The following PAX5 variants were observed in gnomAD, a reference collection of about 807,000 sequenced individuals.
PAX5 encodes paired box protein Pax-5.
A neutral mutation model predicts 43.7 loss-of-function variants in PAX5; 9 were observed. The observed-to-expected ratio is 0.21, with a 90% CI of 0.12 to 0.36. The LOEUF (loss-of-function observed/expected upper bound fraction) is 0.36. Ranked by LOEUF, PAX5 falls within the 10% of genes least tolerant of loss-of-function variation. PAX5 has a pLI of 1.00. For missense variants in PAX5, 383 were observed against 532.7 expected (o/e 0.72, Z 2.77); for synonymous variants, 228 against 214.3 (o/e 1.06, Z -0.56).
rs1490962139 is a variant in PAX5, at chr9:36,840,514, C to T, written c.*46G>A. Reference sequence around the variant, plus strand: ...TTCAGGAGGGCTGGGTGGCTGTCACCCTCAATAGGTGCCATCAGTGTTTGG... The same window carrying T: ...TTCAGGAGGGCTGGGTGGCTGTCACTCTCAATAGGTGCCATCAGTGTTTGG... On this transcript the variant is annotated 3_prime_UTR_variant, in exon 10 of 10. Coordinates refer to ENST00000358127, the MANE Select transcript of PAX5 (RefSeq NM_016734.3). 2.6e-6 allele frequency: 4 copies of T among 1,548,978 alleles called. No individual in the cohort carries two copies. The Admixed American group carries it at 7.8e-5, about 30-fold the overall frequency.
intron 5 of PAX5, among the ~76,000 whole-genome samples, chr9:36,995,533 G>T (rs1461200677): frequency 1.3e-5 from 2 of 152,204 alleles, no homozygotes; most frequent in African/African-American, 4.8e-5. Context: ...TCAACAGTGG[G>T]GATGGCGGAC....
At chr9:36,947,610 G>A (rs1050772398) in intron 6 of PAX5, among the ~76,000 whole-genome samples, 1 of 151,986 alleles carries the variant, frequency 6.6e-6, no homozygotes, top group Non-Finnish European at 1.5e-5. Flanking sequence ...ATGGTCTCAA[G>A]TGAAAGTATT....
intron 7 of PAX5, among the ~76,000 whole-genome samples, chr9:36,909,965 G>C (rs1026064762): frequency 3.3e-5 from 5 of 151,874 alleles, no homozygotes; most frequent in African/African-American, 1.2e-4. Flanking sequence ...GGGACTATGG[G>C]CACGCACCAC....
rs1486399451 is a variant in PAX5, at chr9:36,835,327, G to C, written c.*5233C>G. On this transcript the variant is annotated 3_prime_UTR_variant, in exon 10 of 10. Coordinates refer to ENST00000358127, the MANE Select transcript of PAX5 (RefSeq NM_016734.3). ...CAGTGCTGAGGAATTACCAGAAAAGGAAAGACAGGCTGGTGCCTGCCTGCT... is the reference window on the plus strand; with the variant it reads ...CAGTGCTGAGGAATTACCAGAAAAGCAAAGACAGGCTGGTGCCTGCCTGCT... 2 of 232,860 alleles carry C rather than the reference G, an allele frequency of 8.6e-6. No homozygotes were observed. The highest frequency in any genetic ancestry group is 1.7e-5 in the Non-Finnish European group (2 of 117,850). The allele number at this position is 232,860 out of a possible 1,614,324, so 14.4% of individuals were successfully genotyped here.
intron 7 of PAX5, among the ~76,000 whole-genome samples, chr9:36,921,976 G>A (rs78662156): frequency 0.01 from 1,590 of 152,256 alleles, 27 homozygotes; most frequent in African/African-American, 0.036. Flanking sequence ...TGGGCTCCCC[G>A]GCTCCCTGCC....
chr9:36,938,267 A>G (rs539289190), intron 6 of PAX5, among the ~76,000 whole-genome samples: 1 of 152,290 alleles, frequency 6.6e-6, no homozygotes, highest in South Asian at 2.1e-4. Flanking sequence ...CATAATAATT[A>G]TTTTTCGTGC....
intron 9 of PAX5, among the ~76,000 whole-genome samples, chr9:36,843,981 C>T (rs1014115923): frequency 6.6e-6 from 1 of 152,236 alleles, no homozygotes; most frequent in Non-Finnish European, 1.5e-5. Flanking sequence ...GTTGTCCTGG[C>T]TGTGTCCCAT....
intron 7 of PAX5, among the ~76,000 whole-genome samples, chr9:36,918,918 G>A (rs1384207677): frequency 6.6e-6 from 1 of 152,134 alleles, no homozygotes; most frequent in Non-Finnish European, 1.5e-5. Context: ...ATTGATGGAG[G>A]TGACTACACT....
At chr9:36,966,483 C>T in intron 6 of PAX5, 66 bp downstream of exon 6, 1 of 1,558,360 alleles carries the variant, frequency 6.4e-7, no homozygotes, top group Non-Finnish European at 8.8e-7. Flanking sequence ...ATGCCTCTGC[C>T]TTCAGGAACC....
intron 6 of PAX5, among the ~76,000 whole-genome samples, chr9:36,931,168 G>C (rs1831087605): frequency 6.6e-6 from 1 of 152,184 alleles, no homozygotes; most frequent in Non-Finnish European, 1.5e-5. Flanking sequence ...CATTCTGAAG[G>C]ACCAGACACC....
intron 6 of PAX5, among the ~76,000 whole-genome samples, chr9:36,950,881 C>T (rs1365013414): frequency 2.0e-5 from 3 of 151,954 alleles, no homozygotes; most frequent in African/African-American, 4.8e-5. Context: ...GCTGGGATTA[C>T]AGGCACACAC....
chr9:36,976,552 C>T (rs1478237708), intron 5 of PAX5, among the ~76,000 whole-genome samples: 1 of 152,124 alleles, frequency 6.6e-6, no homozygotes, highest in Non-Finnish European at 1.5e-5. Flanking sequence ...CCCTTGGTAG[C>T]CTGGAACAAA....
intron 5 of PAX5, among the ~76,000 whole-genome samples, chr9:36,975,712 C>T (rs751108775): frequency 5.9e-5 from 9 of 152,142 alleles, no homozygotes; most frequent in Non-Finnish European, 1.2e-4. Flanking sequence ...CTGCTCTAAT[C>T]CTCAATTTTC....
At chr9:37,029,504 C>T (rs1453471141) in intron 1 of PAX5, among the ~76,000 whole-genome samples, 1 of 152,214 alleles carries the variant, frequency 6.6e-6, no homozygotes, top group African/African-American at 2.4e-5. Flanking sequence ...TCTGGAACCC[C>T]GCCTGTCCGG....
chr9:36,957,130 G>T (rs150831480), intron 6 of PAX5, among the ~76,000 whole-genome samples: 1 of 152,230 alleles, frequency 6.6e-6, no homozygotes, highest in Non-Finnish European at 1.5e-5. Flanking sequence ...CGGCATCGCT[G>T]TGCCTTGCGG....
At chr9:36,876,110 G>A (rs1825890021) in intron 8 of PAX5, among the ~76,000 whole-genome samples, 2 of 152,230 alleles carry the variant, frequency 1.3e-5, no homozygotes, top group South Asian at 2.1e-4. Flanking sequence ...AGCAGAGGAA[G>A]TTGCAGGTGC....
intron 8 of PAX5, among the ~76,000 whole-genome samples, chr9:36,850,847 C>A (rs1022928552): frequency 2.0e-5 from 3 of 152,218 alleles, no homozygotes; most frequent in African/African-American, 7.2e-5. Context: ...GTGCCTCCAA[C>A]TTCTCCATCG....
At position 36,935,655 on chromosome 9, in the gene PAX5, C is replaced by T. The variant is rs557700524; in HGVS notation, c.781-12171G>A. ...GCCCTTTTCTTCCCCTGTCCTCTTA[C>T]GGAATTTTAGTAAGCCCCAAATCTC... is the stretch of plus-strand genomic sequence containing the variant. On this transcript the variant is annotated intron_variant, in intron 6 of 9. Transcript: ENST00000358127. Among the ~76,000 whole-genome samples the T allele has an allele frequency of 1.5e-4, 23 of 152,314 alleles. 1 individual carries two copies. In the Middle Eastern group the frequency reaches 0.017, roughly 113 times the overall value.
chr9:36,888,261 T>C (rs775142378), intron 7 of PAX5, among the ~76,000 whole-genome samples: 1 of 152,236 alleles, frequency 6.6e-6, no homozygotes, highest in Non-Finnish European at 1.5e-5. Context: ...TTCCCACTCC[T>C]AGGTGTACAC....
Sources: gnomAD v4.1 joint callset for allele counts (sites outside exome capture counted in the v4.1 genomes callset) on GRCh38, gnomAD v4.1.1 for gene constraint, MANE v1.5 for transcripts, NCBI Gene and HGNC (gene_info 2026-07-23, HGNC 2026-07-21) for gene names.